Variants in PAPPA observed in about 807,000 individuals in gnomAD.
The protein encoded by PAPPA is pappalysin-1.
In PAPPA, 60 loss-of-function variants were observed where a neutral mutation model predicts 164.0. The observed-to-expected ratio is 0.37, with a 90% CI of 0.30 to 0.45. PAPPA has a LOEUF of 0.45. PAPPA is among the 20% of genes least tolerant of loss of function. PAPPA has a pLI of 1.00. For missense variants in PAPPA, 1,782 were observed against 2,087.3 expected (o/e 0.85, Z 2.85); for synonymous variants, 875 against 814.1 (o/e 1.07, Z -1.27).
chr9:116,206,250 T>G (rs1247753080), intron 2 of PAPPA, among the ~76,000 whole-genome samples: 1 of 152,178 alleles, frequency 6.6e-6, no homozygotes, highest in Non-Finnish European at 1.5e-5. Flanking sequence ...CTCCAACTCA[T>G]GTTTTTTGTG....
chr9:116,334,535 C>G (rs1295775909), intron 12 of PAPPA, among the ~76,000 whole-genome samples: 1 of 152,048 alleles, frequency 6.6e-6, no homozygotes, highest in Non-Finnish European at 1.5e-5. Flanking sequence ...GACCAACAAG[C>G]CCTACAGCAA....
intron 5 of PAPPA, among the ~76,000 whole-genome samples, chr9:116,226,455 C>T (rs1844511585): frequency 6.6e-6 from 1 of 152,174 alleles, no homozygotes; most frequent in South Asian, 2.1e-4. Flanking sequence ...GTAGCCAAAG[C>T]ACAGAAGTTC....
intron 9 of PAPPA, among the ~76,000 whole-genome samples, chr9:116,291,982 A>T (rs921211927): frequency 1.3e-5 from 2 of 152,196 alleles, no homozygotes; most frequent in Admixed American, 6.5e-5. Flanking sequence ...CTAAATAATG[A>T]AGAGGTCATG....
intron 4 of PAPPA, among the ~76,000 whole-genome samples, chr9:116,213,324 G>A (rs897401026): frequency 2.0e-5 from 3 of 152,116 alleles, no homozygotes; most frequent in Non-Finnish European, 2.9e-5. Context: ...ACCCCTGGGG[G>A]CCTCTCCAGT....
chr9:116,386,821 T>C (rs1171866968), intron 21 of PAPPA, among the ~76,000 whole-genome samples: 2 of 151,956 alleles, frequency 1.3e-5, no homozygotes, highest in African/African-American at 4.8e-5. Flanking sequence ...GGAAGATAAG[T>C]CTCCCAGCCT....
At chr9:116,329,717 T>C (rs1347597815) in intron 10 of PAPPA, among the ~76,000 whole-genome samples, 1 of 152,216 alleles carries the variant, frequency 6.6e-6, no homozygotes, top group Non-Finnish European at 1.5e-5. Flanking sequence ...CTCAATGTTA[T>C]GTTTTGCGAT....
chr9:116,201,951 G>A (rs1366201942), intron 2 of PAPPA, among the ~76,000 whole-genome samples: 2 of 152,080 alleles, frequency 1.3e-5, no homozygotes, highest in East Asian at 1.9e-4. Context: ...GTGACCAGCC[G>A]CACCCATCAA....
Position 116,235,315 on chromosome 9 carries a change from T to G in PAPPA, c.2410T>G (p.Ser804Ala), listed in dbSNP as rs1339972588. ...ESLTIWVTFV[S>A]TDWDSSGAVN... ...TCTGACCATTTGGGTGACCTTTGTC[T>G]CCACTGACTGGGACTCTAGTGGAGC... is the stretch of plus-strand genomic sequence containing the variant. The change falls in exon 7 of 22, where the codon TCC becomes GCC. Residue 804 changes from serine (S) to alanine (A), a missense_variant. Ser to Ala is a moderately conservative substitution (Grantham distance 99). This residue lies in a region of PAPPA where 1,324 missense variants were observed against 1,656.9 expected (regional missense o/e 0.80). Coordinates refer to ENST00000328252, the MANE Select transcript of PAPPA (RefSeq NM_002581.5). 6.2e-7 allele frequency: 1 copy of G among 1,614,098 alleles called. No individual in the cohort carries two copies. Among genetic ancestry groups the G allele is most frequent in the Admixed American group, 1.7e-5 (1 of 60,020 alleles).
At position 116,337,823 on chromosome 9, in the gene PAPPA, A is replaced by G. The variant is rs181179223; in HGVS notation, c.3611+2749A>G. 1.2e-4 allele frequency among the ~76,000 whole-genome samples: 18 copies of G among 152,176 alleles called. No homozygotes were observed. In the East Asian group the frequency reaches 3.3e-3, roughly 28 times the overall value. Reference sequence around the variant, plus strand: ...TCCTGTAGCAAAACCAGTTTGGGCAATGTGTTCCACTCTAGCTTCAGGGGT... The same window carrying G: ...TCCTGTAGCAAAACCAGTTTGGGCAGTGTGTTCCACTCTAGCTTCAGGGGT... On this transcript the variant is annotated intron_variant, in intron 13 of 21. Coordinates refer to ENST00000328252, the MANE Select transcript of PAPPA (RefSeq NM_002581.5).
rs545904919 is a variant in PAPPA, at chr9:116,261,616, A to T, written c.2733-4241A>T. 3.9e-5 allele frequency among the ~76,000 whole-genome samples: 6 copies of T among 152,326 alleles called. No homozygotes were observed. In the East Asian group the frequency reaches 9.6e-4, roughly 24 times the overall value. The stretch of plus-strand genomic sequence containing the variant: ...TTTAATTTATGCATTTTAAATGCAT[A>T]TTTAAGCTTAAGTCATAAGGTGCTT... On this transcript the variant is annotated intron_variant, in intron 7 of 21. Coordinates refer to ENST00000328252, the MANE Select transcript of PAPPA (RefSeq NM_002581.5).
At chr9:116,158,430 A>G (rs1843627940) in intron 1 of PAPPA, among the ~76,000 whole-genome samples, 1 of 152,152 alleles carries the variant, frequency 6.6e-6, no homozygotes, top group Non-Finnish European at 1.5e-5. Context: ...TAGCCAGGTT[A>G]CCTATGTGGA....
In PAPPA at chr9:116,261,169, G is replaced by C. The variant is rs548013622; in HGVS notation, c.2733-4688G>C. Among the ~76,000 whole-genome samples the C allele has an allele frequency of 1.3e-4, 20 of 152,316 alleles. No individual in the cohort carries two copies. The South Asian group carries it at 4.1e-3, about 32-fold the overall frequency. On this transcript the variant is annotated intron_variant, in intron 7 of 21. Coordinates refer to ENST00000328252, the MANE Select transcript of PAPPA (RefSeq NM_002581.5). ...CTGTAAATACAAAATATGATACGTA[G>C]TGCGTAGCATATAATAAGTAGGCAA...
At chr9:116,385,986 G>T (rs116186473) in intron 21 of PAPPA, among the ~76,000 whole-genome samples, 1 of 152,356 alleles carries the variant, frequency 6.6e-6, no homozygotes, top group African/African-American at 2.4e-5. Context: ...GTCCGAGAAA[G>T]CTTCTCTGAG....
At chr9:116,371,144 C>T (rs960577821) in intron 19 of PAPPA, among the ~76,000 whole-genome samples, 85 of 151,032 alleles carry the variant, frequency 5.6e-4, no homozygotes, top group African/African-American at 1.9e-3. Context: ...CAGCCGGGCG[C>T]GGTGGCTCAC....
intron 19 of PAPPA, among the ~76,000 whole-genome samples, chr9:116,371,010 C>T (rs1846565865): frequency 1.3e-5 from 2 of 152,144 alleles, no homozygotes; most frequent in South Asian, 4.1e-4. Flanking sequence ...CACAGTTTAC[C>T]CAGTTGTGAA....
chr9:116,196,052 G>T (rs865998622), intron 2 of PAPPA, among the ~76,000 whole-genome samples: 4 of 152,264 alleles, frequency 2.6e-5, no homozygotes, highest in African/African-American at 4.8e-5. Flanking sequence ...AGTAGGGAAG[G>T]AACTGGAAGC....
At position 116,398,642 on chromosome 9, in the gene PAPPA, G is replaced by A; in HGVS notation, c.*2026G>A. 1.4e-6 allele frequency: 1 copy of A among 729,646 alleles called. No homozygotes were observed. The highest frequency in any genetic ancestry group is 2.1e-6 in the Non-Finnish European group (1 of 477,014). The allele number at this position is 729,646 out of a possible 1,614,324, so 45.2% of individuals were successfully genotyped here. A position where few individuals can be genotyped will look rare whatever the true frequency, so the allele number is the denominator to read the frequency against. ...ATATCAAGGTGCTTTTGGCACAGGT[G>A]CCCACAAATACGGATGCAGTGCTGA... On this transcript the variant is annotated 3_prime_UTR_variant, in exon 22 of 22. Coordinates refer to ENST00000328252, the MANE Select transcript of PAPPA (RefSeq NM_002581.5).
At chr9:116,228,238 C>T (rs112406145) in intron 6 of PAPPA, among the ~76,000 whole-genome samples, 1 of 152,198 alleles carries the variant, frequency 6.6e-6, no homozygotes, top group African/African-American at 2.4e-5. Context: ...CACTTTGTCA[C>T]TTGGCCTCAG....
chr9:116,201,982 T>C (rs757120844), intron 2 of PAPPA, among the ~76,000 whole-genome samples: 3 of 152,170 alleles, frequency 2.0e-5, no homozygotes, highest in Non-Finnish European at 2.9e-5. Context: ...AGCATGACTC[T>C]GGCGTGACAT....
Sources: allele counts gnomAD v4.1 joint callset (sites outside exome capture counted in the v4.1 genomes callset), GRCh38; gene constraint gnomAD v4.1.1; regional missense constraint gnomAD v4.1.1; transcripts MANE v1.5; gene names NCBI Gene and HGNC (gene_info 2026-07-23, HGNC 2026-07-21).